The following APBA1 variants were observed in gnomAD, a reference collection of about 807,000 sequenced individuals.
APBA1 encodes amyloid beta precursor protein binding family A member 1.
APBA1 carries 55 observed loss-of-function variants against 86.6 expected under a neutral mutation model. That is an observed-to-expected ratio of 0.64 (90% CI 0.51 to 0.80). APBA1 has a LOEUF of 0.80. Ranked by LOEUF, APBA1 falls within the 30% of genes least tolerant of loss-of-function variation. The pLI is 0.00. For synonymous variants in APBA1, 511 were observed against 493.9 expected (o/e 1.03, Z -0.46); for missense variants, 1,090 against 1,183.0 (o/e 0.92, Z 1.15).
At chr9:69,648,916 C>T (rs1335964183) in intron 1 of APBA1, among the ~76,000 whole-genome samples, 2 of 152,156 alleles carry the variant, frequency 1.3e-5, no homozygotes, top group African/African-American at 4.8e-5. Flanking sequence ...TTCCCTTTCA[C>T]GCTCCCAAAC....
At chr9:69,517,302 G>T in intron 1 of APBA1, 23 bp from the exon 2 acceptor site, 1 of 1,399,946 alleles carries the variant, frequency 7.1e-7, no homozygotes, top group South Asian at 1.6e-5. Flanking sequence ...GAAGGGGAGA[G>T]GCTGTCACGT....
At chr9:69,669,619 TAAAC>T (rs2134034148) in intron 1 of APBA1, among the ~76,000 whole-genome samples, 1 of 152,118 alleles carries the variant, frequency 6.6e-6, no homozygotes, top group African/African-American at 2.4e-5. Flanking sequence ...CTGAAAAAAA[TAAAC>T]AAATATCTGG....
At chr9:69,462,428 G>C (rs146824375) in intron 5 of APBA1, 4 of 152,200 alleles carry the variant, frequency 2.6e-5, no homozygotes, top group Admixed American at 1.3e-4. Context: ...TTCTATCTAC[G>C]GCACATTAAA....
At chr9:69,560,086 G>A (rs977223776) in intron 1 of APBA1, among the ~76,000 whole-genome samples, 2 of 152,136 alleles carry the variant, frequency 1.3e-5, no homozygotes, top group African/African-American at 4.8e-5. Context: ...TGCTTGCCCA[G>A]GTTTAGTCAC....
At chr9:69,513,433 T>C (rs892386009) in intron 2 of APBA1, among the ~76,000 whole-genome samples, 8 of 152,230 alleles carry the variant, frequency 5.3e-5, no homozygotes, top group African/African-American at 1.9e-4. Context: ...CTGCAGCTTT[T>C]TCCTCTGGTG....
Position 69,516,555 on chromosome 9 carries a change from T to G in APBA1, c.656A>C (p.Glu219Ala). 2 of 1,598,378 alleles carry G rather than the reference T, an allele frequency of 1.3e-6. No individual in the cohort carries two copies. The highest frequency in any genetic ancestry group is 1.7e-6 in the Non-Finnish European group (2 of 1,177,900). Residue 219 changes from glutamate (E) to alanine (A), a missense_variant, in exon 2 of 13, where the codon GAG becomes GCG. Around this residue, in one of 6 missense-constraint regions of APBA1, gnomAD observed 678 missense variants for 647.1 expected, o/e 1.05. Coordinates refer to ENST00000265381, the MANE Select transcript of APBA1 (RefSeq NM_001163.4). The surrounding 1 kb of genome is among the most constrained non-coding windows in gnomAD (Gnocchi z 7.3). ...ARDGLRLYEQ[E>A]RDEAAAYRQE... ...GCGGTACGCGGCCGCCTCGTCGCGC[T>G]CCTGCTCGTAGAGCCGCAGGCCGTC... is the stretch of plus-strand genomic sequence containing the variant.
At chr9:69,499,401 T>C (rs1224958419) in intron 2 of APBA1, among the ~76,000 whole-genome samples, 2 of 152,082 alleles carry the variant, frequency 1.3e-5, no homozygotes, top group Non-Finnish European at 2.9e-5. Flanking sequence ...TTCAACTTCA[T>C]CCCTTGCTAA....
At chr9:69,654,449 C>G (rs905515192) in intron 1 of APBA1, among the ~76,000 whole-genome samples, 4 of 151,922 alleles carry the variant, frequency 2.6e-5, no homozygotes, top group African/African-American at 9.7e-5. Flanking sequence ...TAGGAGCACT[C>G]CAGCCTTGGT....
Position 69,441,036 on chromosome 9 carries a change from T to C in APBA1, c.2261A>G (p.Asp754Gly), listed in dbSNP as rs1282465514. ...GCTGAAACCGAGCTGGTAGCGAAGG[T>C]CTGGTCTTCTGATTAACACGGTGGT... ...PVTTVLIRRP[D>G]LRYQLGFSVQ... The change falls in exon 11 of 13, where the codon GAC (aspartate) becomes GGC (glycine). Residue 754 changes from aspartate (D) to glycine (G), a missense_variant. Physicochemically the swap from Asp to Gly is moderately conservative, Grantham distance 94. Transcript: ENST00000265381. 1 of 1,614,074 alleles carries C rather than the reference T, an allele frequency of 6.2e-7. No homozygotes were observed. The highest frequency in any genetic ancestry group is 2.2e-5 in the East Asian group (1 of 44,880).
At chr9:69,526,975 G>A (rs1291101016) in intron 1 of APBA1, among the ~76,000 whole-genome samples, 1 of 152,102 alleles carries the variant, frequency 6.6e-6, no homozygotes, top group African/African-American at 2.4e-5. Flanking sequence ...AGTAATGCAG[G>A]AACAGAAAAC....
chr9:69,648,844 G>C (rs1823440211), intron 1 of APBA1, among the ~76,000 whole-genome samples: 1 of 152,076 alleles, frequency 6.6e-6, no homozygotes, highest in South Asian at 2.1e-4. Context: ...CTATATCTAA[G>C]GGCCCACCTC....
chr9:69,578,622 T>C (rs1003024704), intron 1 of APBA1, among the ~76,000 whole-genome samples: 1 of 152,196 alleles, frequency 6.6e-6, no homozygotes, highest in African/African-American at 2.4e-5. Context: ...GATTGAGAAA[T>C]AAATGATCTA....
Position 69,431,383 on chromosome 9 carries a change from T to C in APBA1, c.2458A>G (p.Met820Val). 5 of 1,613,246 alleles carry C rather than the reference T, an allele frequency of 3.1e-6. No homozygotes were observed. Among genetic ancestry groups the C allele is most frequent in the Non-Finnish European group, 3.4e-6 (4 of 1,179,602 alleles). The change falls in exon 13 of 13, where the codon ATG becomes GTG. Residue 820 changes from methionine (M) to valine (V), a missense_variant. By Grantham distance (21) the Met-to-Val change is conservative (BLOSUM62 1). Coordinates refer to ENST00000265381, the MANE Select transcript of APBA1 (RefSeq NM_001163.4). The stretch of plus-strand genomic sequence containing the variant: ...AGCAGCCTGTACATCGCGGCTGGCA[T>C]TGTCTTCATATGAATCTGAGGGTAA... ...NAVGEIHMKT[M>V]PAAMYRLLTA...
intron 1 of APBA1, among the ~76,000 whole-genome samples, chr9:69,519,546 A>G (rs1295960415): frequency 6.6e-6 from 1 of 152,250 alleles, no homozygotes; most frequent in African/African-American, 2.4e-5. Context: ...TTAAGGTACA[A>G]ATCTAATTCT....
At position 69,428,957 on chromosome 9, in the gene APBA1, T is replaced by A. The variant is rs979656460; in HGVS notation, c.*2370A>T. On this transcript the variant is annotated 3_prime_UTR_variant, in exon 13 of 13. Coordinates refer to ENST00000265381, the MANE Select transcript of APBA1 (RefSeq NM_001163.4). ...TCTAGGAGAGCTTGCAGAATTGGCT[T>A]TTTCAGCACCTCTCAAAGTTTACAA... 2.6e-5 allele frequency: 4 copies of A among 152,234 alleles called. No homozygotes were observed. The highest frequency in any genetic ancestry group is 9.6e-5 in the African/African-American group (4 of 41,456). The allele number at this position is 152,234 out of a possible 1,614,324, so 9.4% of individuals were successfully genotyped here. A position where few individuals can be genotyped will look rare whatever the true frequency, so the allele number is the denominator to read the frequency against.
chr9:69,539,163 A>G (rs748716197), intron 1 of APBA1, among the ~76,000 whole-genome samples: 1 of 152,190 alleles, frequency 6.6e-6, no homozygotes, highest in Non-Finnish European at 1.5e-5. Context: ...CCAGGTGATC[A>G]CATGAAGGCT....
chr9:69,624,235 A>C (rs1299716239), intron 1 of APBA1, among the ~76,000 whole-genome samples: 3 of 152,220 alleles, frequency 2.0e-5, no homozygotes, highest in African/African-American at 7.2e-5. Flanking sequence ...ACACTGCATA[A>C]GACCAACATA....
chr9:69,473,824 C>G (rs927292162), intron 3 of APBA1, among the ~76,000 whole-genome samples: 2 of 151,896 alleles, frequency 1.3e-5, no homozygotes, highest in East Asian at 3.9e-4. Flanking sequence ...GACTAGCTTT[C>G]TTAGTCTCTG....
At chr9:69,658,358 C>CTTTCTT (rs1251514928) in intron 1 of APBA1, among the ~76,000 whole-genome samples, 4 of 126,094 alleles carry the variant, frequency 3.2e-5, no homozygotes, top group African/African-American at 8.8e-5. Flanking sequence ...TTCTTTCTTT[C>CTTTCTT]TGTGTTTCTC....
Sources: allele counts gnomAD v4.1 joint callset (sites outside exome capture counted in the v4.1 genomes callset), GRCh38; gene constraint gnomAD v4.1.1; regional missense constraint gnomAD v4.1.1; non-coding constraint Gnocchi (gnomAD v3.1); transcripts MANE v1.5; gene names NCBI Gene and HGNC (gene_info 2026-07-23, HGNC 2026-07-21).